Variants in LHFPL2 observed in about 807,000 individuals in gnomAD.
LHFPL2 encodes LHFPL tetraspan subfamily member 2 protein.
Under a neutral mutation model 17.5 loss-of-function variants are expected in LHFPL2, and 7 were observed. The observed-to-expected ratio is 0.40, with a 90% CI of 0.23 to 0.75. LHFPL2 has a LOEUF of 0.75. Among genes scored for constraint, LHFPL2 ranks in the 30% least tolerant of loss-of-function variants. LHFPL2 has a pLI of 0.37. For missense variants in LHFPL2, 241 were observed against 294.8 expected, an observed-to-expected ratio of 0.82 and a Z score of 1.34; for synonymous variants, 134 against 116.2, an observed-to-expected ratio of 1.15 and a Z score of -0.99.
At chr5:78,532,553 C>A (rs1378546620) in intron 3 of LHFPL2, among the ~76,000 whole-genome samples, 1 of 152,160 alleles carries the variant, frequency 6.6e-6, no homozygotes, top group African/African-American at 2.4e-5. Context: ...GCTTCGGGAT[C>A]TCTTCTGTTA....
intron 2 of LHFPL2, among the ~76,000 whole-genome samples, chr5:78,589,060 C>T (rs1743532976): frequency 6.6e-6 from 1 of 152,170 alleles, no homozygotes; most frequent in Admixed American, 6.5e-5. Flanking sequence ...GGTCAAGTGG[C>T]TGTCAGGTGG....
intron 1 of LHFPL2, among the ~76,000 whole-genome samples, chr5:78,635,438 A>C (rs1745402973): frequency 1.3e-5 from 2 of 152,240 alleles, no homozygotes; most frequent in South Asian, 4.1e-4. Flanking sequence ...TCACCTGCTA[A>C]GCAGGTACAG....
intron 3 of LHFPL2, among the ~76,000 whole-genome samples, chr5:78,543,967 T>C (rs1756190741): frequency 1.3e-5 from 2 of 152,176 alleles, no homozygotes; most frequent in Admixed American, 1.3e-4. Flanking sequence ...TGGAAGTCAA[T>C]CTACCTCCAG....
intron 3 of LHFPL2, among the ~76,000 whole-genome samples, chr5:78,554,331 G>A (rs1254679558): frequency 1.3e-5 from 2 of 152,242 alleles, no homozygotes; most frequent in Non-Finnish European, 2.9e-5. Flanking sequence ...GTTAGTTAAC[G>A]ACAGAGAGGA....
intron 2 of LHFPL2, among the ~76,000 whole-genome samples, chr5:78,622,514 G>A (rs1320651492): frequency 3.9e-5 from 6 of 152,150 alleles, no homozygotes. Flanking sequence ...ATGGGGAGCA[G>A]GGCCTGGACC....
At chr5:78,521,757 G>A (rs1486257665) in intron 3 of LHFPL2, among the ~76,000 whole-genome samples, 3 of 152,170 alleles carry the variant, frequency 2.0e-5, no homozygotes, top group Non-Finnish European at 4.4e-5. Context: ...ACCCAAACAC[G>A]TCCACTTTCA....
At chr5:78,540,072 G>A (rs1036814865) in intron 3 of LHFPL2, among the ~76,000 whole-genome samples, 1 of 152,158 alleles carries the variant, frequency 6.6e-6, no homozygotes, top group African/African-American at 2.4e-5. Flanking sequence ...TTTTAGAAGT[G>A]CACACACGTA....
intron 3 of LHFPL2, among the ~76,000 whole-genome samples, chr5:78,547,688 AGAG>A (rs1198669459): frequency 6.6e-6 from 1 of 152,252 alleles, no homozygotes; most frequent in Non-Finnish European, 1.5e-5. Flanking sequence ...TGAGAAATTC[AGAG>A]GAGGGGATCA....
intron 2 of LHFPL2, among the ~76,000 whole-genome samples, chr5:78,576,294 CAA>C (rs746590895): frequency 1.4e-4 from 13 of 93,114 alleles, no homozygotes; most frequent in Admixed American, 3.4e-4. Context: ...GACTCCATCT[CAA>C]AAAAAAAAAA....
chr5:78,607,943 CACTAAAAAGCTTTTT>C (rs1297925747), intron 2 of LHFPL2, among the ~76,000 whole-genome samples: 1 of 152,176 alleles, frequency 6.6e-6, no homozygotes, highest in Non-Finnish European at 1.5e-5. Context: ...AAAGAACACA[CACTAAAAAGCTTTTT>C]AAGAAGATAT....
At chr5:78,511,108 A>G (rs902349001) in intron 3 of LHFPL2, among the ~76,000 whole-genome samples, 21 of 147,444 alleles carry the variant, frequency 1.4e-4, no homozygotes, top group East Asian at 3.9e-4. Flanking sequence ...CAGAGGGGAA[A>G]AAAAAAAAAC....
At chr5:78,626,413 G>C (rs1463676783) in intron 2 of LHFPL2, 1 of 152,296 alleles carries the variant, frequency 6.6e-6, no homozygotes, top group Admixed American at 6.5e-5. Context: ...AAAGCAAGAG[G>C]ACTCTTGCAT....
At position 78,488,755 on chromosome 5, in the gene LHFPL2, T is replaced by G; in HGVS notation, c.*142A>C. 1 of 851,734 alleles carries G rather than the reference T, an allele frequency of 1.2e-6. No individual in the cohort carries two copies. Among genetic ancestry groups the G allele is most frequent in the Non-Finnish European group, 1.9e-6 (1 of 539,224 alleles). The allele number at this position is 851,734 out of a possible 1,614,324, so 52.8% of individuals were successfully genotyped here. Reference sequence around the variant, plus strand: ...TAACTTTGCGTAGCTGGATGTGGCCTCTCATTGGTCCTGTTTAAGCCTCGG... The same window carrying G: ...TAACTTTGCGTAGCTGGATGTGGCCGCTCATTGGTCCTGTTTAAGCCTCGG... On this transcript the variant is annotated 3_prime_UTR_variant, in exon 5 of 5. Transcript: ENST00000380345.
intron 3 of LHFPL2, among the ~76,000 whole-genome samples, chr5:78,555,068 T>C (rs1322805235): frequency 6.6e-6 from 1 of 152,158 alleles, no homozygotes; most frequent in Non-Finnish European, 1.5e-5. Flanking sequence ...GCTGAAAAAC[T>C]AGCTAATAAA....
chr5:78,561,766 A>G (rs1300696821), intron 3 of LHFPL2, among the ~76,000 whole-genome samples: 1 of 152,218 alleles, frequency 6.6e-6, no homozygotes, highest in Non-Finnish European at 1.5e-5. Context: ...TCTCAGAGAA[A>G]TCAGGTGAGA....
At chr5:78,503,390 A>T (rs1318222167) in intron 4 of LHFPL2, among the ~76,000 whole-genome samples, 2 of 152,226 alleles carry the variant, frequency 1.3e-5, no homozygotes, top group African/African-American at 4.8e-5. Flanking sequence ...TTTCCAACTC[A>T]TTCTTTAAAA....
At chr5:78,536,233 G>A (rs563557299) in intron 3 of LHFPL2, among the ~76,000 whole-genome samples, 14 of 152,320 alleles carry the variant, frequency 9.2e-5, no homozygotes, top group Admixed American at 2.6e-4. Context: ...TACCAAGTGG[G>A]GCTTGGCCGT....
chr5:78,523,071 T>C (rs984116334), intron 3 of LHFPL2, among the ~76,000 whole-genome samples: 3 of 152,072 alleles, frequency 2.0e-5, no homozygotes, highest in African/African-American at 4.8e-5. Flanking sequence ...CAGAAGTGGC[T>C]GATAACCCTT....
At chr5:78,533,532 T>C (rs1561325914) in intron 3 of LHFPL2, among the ~76,000 whole-genome samples, 1 of 152,208 alleles carries the variant, frequency 6.6e-6, no homozygotes, top group Non-Finnish European at 1.5e-5. Flanking sequence ...TTCTATCACC[T>C]TGAATGAAAG....
Sources: gnomAD v4.1 joint callset for allele counts (sites outside exome capture counted in the v4.1 genomes callset) on GRCh38, gnomAD v4.1.1 for gene constraint, MANE v1.5 for transcripts, NCBI Gene and HGNC (gene_info 2026-07-23, HGNC 2026-07-21) for gene names.